The following OSBPL8 variants were observed in gnomAD, a reference collection of about 807,000 sequenced individuals.
OSBPL8 encodes oxysterol binding protein like 8, also known as oxysterol-binding protein-related protein 8.
In OSBPL8, 59 loss-of-function variants were observed where a neutral mutation model predicts 125.5. The ratio of observed to expected loss-of-function variants is 0.47; its 90% confidence interval spans 0.38 to 0.58. The LOEUF (loss-of-function observed/expected upper bound fraction) is 0.58, where lower values mean the gene tolerates loss of function less well. OSBPL8 is among the 20% of genes least tolerant of loss of function. The pLI, the probability that OSBPL8 is intolerant of heterozygous loss-of-function variation, is 0.00. For missense variants in OSBPL8, 758 were observed against 1,047.8 expected (o/e 0.72, Z 3.82); for synonymous variants, 330 against 338.9 (o/e 0.97, Z 0.29).
At chr12:76,502,382 C>T (rs1471523309) in intron 1 of OSBPL8, among the ~76,000 whole-genome samples, 1 of 152,214 alleles carries the variant, frequency 6.6e-6, no homozygotes, top group Non-Finnish European at 1.5e-5. Context: ...AATGATTCCA[C>T]TGAACTCGAA....
chr12:76,461,776 C>A (rs1008346211), intron 2 of OSBPL8, among the ~76,000 whole-genome samples: 1 of 152,076 alleles, frequency 6.6e-6, no homozygotes, highest in Admixed American at 6.6e-5. Context: ...ATGCCCAATC[C>A]CCACTATCCT....
At chr12:76,358,901 G>A in intron 21 of OSBPL8, 90 bp from the exon 22 acceptor site, 1 of 894,198 alleles carries the variant, frequency 1.1e-6, no homozygotes. Flanking sequence ...TCTGCACATA[G>A]GCATGATATT....
At chr12:76,545,868 A>G (rs1455766776) in intron 1 of OSBPL8, among the ~76,000 whole-genome samples, 1 of 152,208 alleles carries the variant, frequency 6.6e-6, no homozygotes, top group Non-Finnish European at 1.5e-5. Flanking sequence ...GCCTGTTCCT[A>G]AAGACTCTGA....
At chr12:76,422,558 C>T (rs1231367972) in intron 4 of OSBPL8, 4 of 456,484 alleles carry the variant, frequency 8.8e-6, no homozygotes, top group Admixed American at 2.3e-5. Context: ...TGAAGCATTC[C>T]GAACAAGCTT....
intron 3 of OSBPL8, among the ~76,000 whole-genome samples, chr12:76,454,371 G>A (rs1198543843): frequency 1.3e-5 from 2 of 152,012 alleles, no homozygotes; most frequent in African/African-American, 4.8e-5. Context: ...TATAACAAAC[G>A]ACATGATTGA....
chr12:76,380,032 T>C (rs1952977966), intron 15 of OSBPL8, among the ~76,000 whole-genome samples: 1 of 152,224 alleles, frequency 6.6e-6, no homozygotes, highest in Non-Finnish European at 1.5e-5. Context: ...TTCCACACTG[T>C]AATGATTACC....
At chr12:76,392,553 T>A in intron 10 of OSBPL8, 28 bp downstream of exon 10, 2 of 1,583,812 alleles carry the variant, frequency 1.3e-6, no homozygotes, top group South Asian at 1.1e-5. Flanking sequence ...TCTGAAACAT[T>A]ACCAACTCAG....
At chr12:76,538,195 C>A (rs920433164) in intron 1 of OSBPL8, among the ~76,000 whole-genome samples, 1 of 152,134 alleles carries the variant, frequency 6.6e-6, no homozygotes, top group Non-Finnish European at 1.5e-5. Context: ...ATATATTATA[C>A]ATCAATGTAG....
At chr12:76,499,340 A>ATCTATCTATCTATCTATCTATCTG (rs1301514310) in intron 1 of OSBPL8, among the ~76,000 whole-genome samples, 30 of 118,134 alleles carry the variant, frequency 2.5e-4, no homozygotes, top group African/African-American at 9.0e-4. Context: ...CTATCTATCT[A>ATCTATCTATCTATCTATCTATCTG]TCTATCTATC....
intron 1 of OSBPL8, among the ~76,000 whole-genome samples, chr12:76,531,700 T>C (rs1008916479): frequency 1.3e-5 from 2 of 152,174 alleles, no homozygotes; most frequent in African/African-American, 4.8e-5. Context: ...ATAGTAATTG[T>C]TTAGTTTTGA....
chr12:76,476,797 C>T (rs1876858379), intron 2 of OSBPL8, among the ~76,000 whole-genome samples: 2 of 152,048 alleles, frequency 1.3e-5, no homozygotes, highest in Non-Finnish European at 2.9e-5. Flanking sequence ...CATCGCCAGA[C>T]ATACATTCAT....
intron 15 of OSBPL8, among the ~76,000 whole-genome samples, chr12:76,383,107 T>C (rs941688496): frequency 3.3e-5 from 5 of 152,212 alleles, no homozygotes; most frequent in Admixed American, 6.5e-5. Flanking sequence ...AATAGATTCT[T>C]TCAAATTATA....
intron 3 of OSBPL8, among the ~76,000 whole-genome samples, chr12:76,457,941 G>T (rs1224990887): frequency 1.3e-5 from 2 of 152,242 alleles, no homozygotes; most frequent in East Asian, 3.9e-4. Flanking sequence ...TAAATGCCAA[G>T]TAAGTATCAC....
At chr12:76,406,584 TG>T (rs1473102687) in intron 5 of OSBPL8, among the ~76,000 whole-genome samples, 18 of 152,188 alleles carry the variant, frequency 1.2e-4, no homozygotes, top group African/African-American at 4.1e-4. Context: ...ATTCATACAA[TG>T]AAAAAGCCTA....
chr12:76,394,398 T>C (rs1953706807), intron 9 of OSBPL8, among the ~76,000 whole-genome samples: 1 of 152,198 alleles, frequency 6.6e-6, no homozygotes, highest in African/African-American at 2.4e-5. Flanking sequence ...TGTTAATATG[T>C]CCATGGAGGA....
intron 10 of OSBPL8, 35 bp downstream of exon 10, chr12:76,392,546 G>GA: frequency 6.4e-7 from 1 of 1,573,760 alleles, no homozygotes; most frequent in Non-Finnish European, 8.7e-7. Context: ...TATGGTCTCT[G>GA]AAACATTACC....
intron 3 of OSBPL8, among the ~76,000 whole-genome samples, chr12:76,456,305 AG>A (rs1874037889): frequency 6.6e-6 from 1 of 152,216 alleles, no homozygotes; most frequent in Admixed American, 6.5e-5. Context: ...TTCATTCTAT[AG>A]TACATGATAC....
chr12:76,532,389 A>G (rs914339532), intron 1 of OSBPL8, among the ~76,000 whole-genome samples: 5 of 152,176 alleles, frequency 3.3e-5, no homozygotes, highest in Non-Finnish European at 7.3e-5. Context: ...TTATTTGTTA[A>G]AAATCATCTC....
At chr12:76,517,357 A>G (rs558548747) in intron 1 of OSBPL8, among the ~76,000 whole-genome samples, 1 of 152,352 alleles carries the variant, frequency 6.6e-6, no homozygotes, top group South Asian at 2.1e-4. Context: ...TACCTACTGT[A>G]AAGAAATTTT....
Sources: gnomAD v4.1 joint callset for allele counts (sites outside exome capture counted in the v4.1 genomes callset) on GRCh38, gnomAD v4.1.1 for gene constraint, MANE v1.5 for transcripts, NCBI Gene and HGNC (gene_info 2026-07-23, HGNC 2026-07-21) for gene names.